B3GAT2: variants seen among roughly 807,000 people sequenced by gnomAD.
The protein encoded by B3GAT2 is beta-1,3-glucuronyltransferase 2, also known as galactosylgalactosylxylosylprotein 3-beta-glucuronosyltransferase 2.
A neutral mutation model predicts 27.8 loss-of-function variants in B3GAT2; 26 were observed. The observed-to-expected ratio is 0.93, with a 90% CI of 0.68 to 1.30. B3GAT2 has a LOEUF of 1.30. Among genes scored for constraint, B3GAT2 ranks in the 50% most tolerant of loss-of-function variants. The pLI, the probability that B3GAT2 is intolerant of heterozygous loss-of-function variation, is 0.00. For missense variants in B3GAT2, 458 were observed against 459.0 expected (o/e 1.00, Z 0.02); for synonymous variants, 218 against 195.1 (o/e 1.12, Z -0.98).
intron 1 of B3GAT2, among the ~76,000 whole-genome samples, chr6:70,903,120 A>G (rs1357159193): frequency 6.6e-6 from 1 of 152,094 alleles, no homozygotes; most frequent in Non-Finnish European, 1.5e-5. Flanking sequence ...TACAATATAA[A>G]TATATACCAT....
intron 2 of B3GAT2, among the ~76,000 whole-genome samples, chr6:70,870,991 C>A (rs1176252515): frequency 1.3e-5 from 2 of 152,004 alleles, no homozygotes; most frequent in East Asian, 3.9e-4. Context: ...GCTTTTTCTG[C>A]ATCTACTGAT....
At chr6:70,942,414 C>T (rs1223628561) in intron 1 of B3GAT2, among the ~76,000 whole-genome samples, 1 of 152,140 alleles carries the variant, frequency 6.6e-6, no homozygotes, top group East Asian at 1.9e-4. Flanking sequence ...TCTGAGTATT[C>T]AGGTCCACAA....
chr6:70,952,029 C>G (rs1765585774), intron 1 of B3GAT2, among the ~76,000 whole-genome samples: 1 of 152,002 alleles, frequency 6.6e-6, no homozygotes, highest in Non-Finnish European at 1.5e-5. Flanking sequence ...ACATTGTAAA[C>G]TCGTATATCC....
chr6:70,914,195 C>T (rs988805361), intron 1 of B3GAT2, among the ~76,000 whole-genome samples: 5 of 152,052 alleles, frequency 3.3e-5, no homozygotes, highest in Non-Finnish European at 7.4e-5. Context: ...AGGTTTGTTA[C>T]GTGGTTATAC....
intron 1 of B3GAT2, among the ~76,000 whole-genome samples, chr6:70,898,670 G>C (rs2150033588): frequency 6.6e-6 from 1 of 152,308 alleles, no homozygotes; most frequent in African/African-American, 2.4e-5. Flanking sequence ...ATTCAAATCT[G>C]TGAAAAACTG....
At chr6:70,901,964 T>C (rs1422514018) in intron 1 of B3GAT2, among the ~76,000 whole-genome samples, 1 of 152,182 alleles carries the variant, frequency 6.6e-6, no homozygotes, top group Non-Finnish European at 1.5e-5. Flanking sequence ...AAAACATTAA[T>C]AAATGAAAAT....
intron 1 of B3GAT2, among the ~76,000 whole-genome samples, chr6:70,923,143 T>A (rs1200847308): frequency 1.3e-5 from 2 of 152,180 alleles, no homozygotes. Flanking sequence ...GCTCAGAGGA[T>A]GTGATTCTCC....
At chr6:70,892,975 T>A (rs890454617) in intron 2 of B3GAT2, among the ~76,000 whole-genome samples, 2 of 151,800 alleles carry the variant, frequency 1.3e-5, no homozygotes, top group Non-Finnish European at 2.9e-5. Context: ...ACAGCTGGAG[T>A]AACAGAGGGA....
intron 1 of B3GAT2, among the ~76,000 whole-genome samples, chr6:70,910,930 T>C (rs185543296): frequency 6.6e-6 from 1 of 152,350 alleles, no homozygotes; most frequent in African/African-American, 2.4e-5. Context: ...TGATTAGTGA[T>C]GTTGGGCATT....
At position 70,858,287 on chromosome 6, in the gene B3GAT2, CTTTTTTTTT is replaced by C. The variant is rs68188898; in HGVS notation, c.*3367_*3375del. 2.1e-3 allele frequency: 621 copies of C among 290,674 alleles called. 4 individuals carry two copies. Among genetic ancestry groups the C allele is most frequent in the African/African-American group, 3.4e-3 (78 of 23,088 alleles). The allele number at this position is 290,674 out of a possible 1,614,324, so 18.0% of individuals were successfully genotyped here. On this transcript the variant is annotated 3_prime_UTR_variant, in exon 4 of 4. Transcript: ENST00000230053. The stretch of plus-strand genomic sequence containing the variant: ...ATCAAACCAGATTTATTTTCTAAAT[CTTTTTTTTT>C]TTTTTTTTTTTTTTTTTTTAAGTCT...
intron 2 of B3GAT2, among the ~76,000 whole-genome samples, chr6:70,882,350 A>C (rs974875230): frequency 3.3e-5 from 5 of 152,000 alleles, no homozygotes; most frequent in Non-Finnish European, 5.9e-5. Flanking sequence ...AAATACAAAA[A>C]ATTAGCTGGG....
chr6:70,856,913 CTAGATT>C lies in B3GAT2; in HGVS notation c.*4744_*4749del. On this transcript the variant is annotated 3_prime_UTR_variant, in exon 4 of 4. Transcript: ENST00000230053. ...CCTGTCTACAGTAACATCTGGGGAT[CTAGATT>C]TATTCACTGAGCAAACTACAAAATC... The C allele has an allele frequency of 6.2e-7, 1 of 1,613,912 alleles. No homozygotes were observed. Among genetic ancestry groups the C allele is most frequent in the Non-Finnish European group, 8.5e-7 (1 of 1,179,834 alleles).
intron 2 of B3GAT2, among the ~76,000 whole-genome samples, chr6:70,882,061 TG>T (rs1772107562): frequency 6.6e-6 from 1 of 152,170 alleles, no homozygotes; most frequent in African/African-American, 2.4e-5. Context: ...TCTGGATAAA[TG>T]AAGGTTTGTT....
intron 2 of B3GAT2, among the ~76,000 whole-genome samples, chr6:70,893,353 T>A: frequency 6.6e-6 from 1 of 151,742 alleles, no homozygotes; most frequent in Non-Finnish European, 1.5e-5. Context: ...ATTGATGAGA[T>A]CAATTTTGAA....
Position 70,956,145 on chromosome 6 carries a change from T to C in B3GAT2, c.285A>G (p.Lys95=). 1 of 1,606,750 alleles carries C rather than the reference T, an allele frequency of 6.2e-7. No homozygotes were observed. Among genetic ancestry groups the C allele is most frequent in the Non-Finnish European group, 8.5e-7 (1 of 1,176,364 alleles). ...ITPTYSRPVQ[K]AELTRLANTF... ...TGTTGGCCAGGCGGGTCAGCTCCGC[T>C]TTCTGCACCGGGCGGCTGTAGGTGG... The change falls in exon 1 of 4, where the codon AAA becomes AAG. Residue 95 remains lysine (K), a synonymous_variant. Coordinates refer to ENST00000230053, the MANE Select transcript of B3GAT2 (RefSeq NM_080742.3).
intron 2 of B3GAT2, among the ~76,000 whole-genome samples, chr6:70,875,077 C>G (rs1011481109): frequency 1.3e-5 from 2 of 151,516 alleles, no homozygotes; most frequent in African/African-American, 4.8e-5. Flanking sequence ...AAGAAGTTGA[C>G]TTTGACAAAT....
chr6:70,872,870 G>A (rs1366081416), intron 2 of B3GAT2, among the ~76,000 whole-genome samples: 2 of 151,696 alleles, frequency 1.3e-5, no homozygotes, highest in East Asian at 1.9e-4. Context: ...GGTTGCCATG[G>A]GGATTATAAT....
At chr6:70,904,487 C>T (rs1562224602) in intron 1 of B3GAT2, among the ~76,000 whole-genome samples, 1 of 152,130 alleles carries the variant, frequency 6.6e-6, no homozygotes, top group Non-Finnish European at 1.5e-5. Flanking sequence ...TATTATTTTC[C>T]ACTAAAGGGA....
intron 1 of B3GAT2, among the ~76,000 whole-genome samples, chr6:70,919,791 G>A (rs2347627): frequency 0.47 from 71,843 of 151,886 alleles, 17,537 homozygotes; most frequent in East Asian, 0.69. Context: ...AGGGGCACCC[G>A]CCTGTATGAG....
Sources: allele counts gnomAD v4.1 joint callset (sites outside exome capture counted in the v4.1 genomes callset), GRCh38; gene constraint gnomAD v4.1.1; transcripts MANE v1.5; gene names NCBI Gene and HGNC (gene_info 2026-07-23, HGNC 2026-07-21).